VRK2: variants seen among roughly 807,000 people sequenced by gnomAD.
The protein encoded by VRK2 is VRK serine/threonine kinase 2, also known as serine/threonine-protein kinase VRK2.
In VRK2, 60 loss-of-function variants were observed where a neutral mutation model predicts 57.6. That is an observed-to-expected ratio of 1.04 (90% CI 0.85 to 1.29). The LOEUF (loss-of-function observed/expected upper bound fraction) is 1.29. Ranked by LOEUF, VRK2 falls within the 50% of genes most tolerant of loss-of-function variation. The probability of loss-of-function intolerance (pLI) is 0.00; values close to 1 mark genes in which losing one functional copy is unlikely to be tolerated. For missense variants in VRK2, 705 were observed against 588.1 expected (o/e 1.20, Z -2.06); for synonymous variants, 231 against 199.2 (o/e 1.16, Z -1.35).
chr2:57,990,884 CAT>C (rs1181847142), intron 1 of VRK2, among the ~76,000 whole-genome samples: 5 of 142,876 alleles, frequency 3.5e-5, no homozygotes, highest in South Asian at 2.2e-4. Context: ...CACACACACA[CAT>C]GCACACACAC....
intron 12 of VRK2, among the ~76,000 whole-genome samples, chr2:58,158,022 T>C (rs1684238141): frequency 6.6e-6 from 1 of 152,192 alleles, no homozygotes; most frequent in African/African-American, 2.4e-5. Context: ...TGCCTTGCCA[T>C]ATGATGTCAT....
intron 1 of VRK2, among the ~76,000 whole-genome samples, chr2:58,008,590 A>C (rs1463751381): frequency 6.6e-6 from 1 of 152,120 alleles, no homozygotes; most frequent in Non-Finnish European, 1.5e-5. Context: ...CTAAGCATCC[A>C]ATTTATGTAG....
intron 7 of VRK2, among the ~76,000 whole-genome samples, chr2:58,114,516 G>T (rs1676117407): frequency 6.6e-6 from 1 of 152,188 alleles, no homozygotes; most frequent in African/African-American, 2.4e-5. Flanking sequence ...AGCTTAAATG[G>T]GCTGTACCTT....
At chr2:58,144,481 A>C (rs1008844465) in intron 11 of VRK2, among the ~76,000 whole-genome samples, 38 of 152,042 alleles carry the variant, frequency 2.5e-4, no homozygotes, top group African/African-American at 8.9e-4. Flanking sequence ...CATGTATCAA[A>C]ACATCACATT....
chr2:58,108,377 T>G (rs1193445890), intron 7 of VRK2, among the ~76,000 whole-genome samples: 1 of 152,182 alleles, frequency 6.6e-6, no homozygotes, highest in Non-Finnish European at 1.5e-5. Context: ...CTCCTTATGA[T>G]GCTGCCAGTG....
rs115987418 is a variant in VRK2, at chr2:57,985,739, C to T, written c.-438-39926C>T. Among the ~76,000 whole-genome samples the T allele has an allele frequency of 6.4e-3, 975 of 152,088 alleles. 15 individuals are homozygous for T. The highest frequency in any genetic ancestry group is 0.022 in the African/African-American group (930 of 41,508). ...GAAGGCAACAAAAAGAAATAAAAGG[C>T]ATCCATATTGGAAAATTCAAAATAA... On this transcript the variant is annotated intron_variant, in intron 1 of 15. Transcript: ENST00000417641.
chr2:58,151,862 T>C (rs1683133959), intron 12 of VRK2, among the ~76,000 whole-genome samples: 1 of 147,692 alleles, frequency 6.8e-6, no homozygotes, highest in Non-Finnish European at 1.5e-5. Context: ...TATTGGAACA[T>C]AGCCATACTC....
At chr2:57,967,444 G>A (rs1298005905) in intron 1 of VRK2, among the ~76,000 whole-genome samples, 1 of 151,830 alleles carries the variant, frequency 6.6e-6, no homozygotes, top group Non-Finnish European at 1.5e-5. Flanking sequence ...AGAAGGTTAA[G>A]CCAACAATTT....
At chr2:58,087,660 C>T (rs945471525) in intron 5 of VRK2, among the ~76,000 whole-genome samples, 19 of 152,098 alleles carry the variant, frequency 1.2e-4, no homozygotes, top group South Asian at 1.2e-3. Flanking sequence ...TGTATAGAGA[C>T]GGTATATATG....
chr2:58,158,104 C>T (rs1446328834), intron 12 of VRK2, among the ~76,000 whole-genome samples: 1 of 152,162 alleles, frequency 6.6e-6, no homozygotes, highest in Non-Finnish European at 1.5e-5. Context: ...AGTAGCTTGA[C>T]TTCTATCCTT....
At chr2:58,086,929 C>T (rs1015809075) in intron 5 of VRK2, among the ~76,000 whole-genome samples, 3 of 152,136 alleles carry the variant, frequency 2.0e-5, no homozygotes, top group African/African-American at 4.8e-5. Context: ...GGGATATTAT[C>T]GCTTCTGCTT....
Position 58,057,314 on chromosome 2 carries a change from T to A in VRK2, c.136+8347T>A, listed in dbSNP as rs1288376463. The stretch of plus-strand genomic sequence containing the variant: ...ACTTTCAGATTTAGATAAATTCTTT[T>A]GTATCTTTTGGGGAGTTTGAAGGGA... On this transcript the variant is annotated intron_variant, in intron 2 of 12. Transcript: ENST00000340157. Among the ~76,000 whole-genome samples, 5 of 152,178 alleles carry A rather than the reference T, an allele frequency of 3.3e-5. No individual in the cohort carries two copies. In the South Asian group the frequency reaches 8.3e-4, roughly 25 times the overall value.
intron 12 of VRK2, among the ~76,000 whole-genome samples, chr2:58,148,465 A>T (rs1682494066): frequency 6.6e-6 from 1 of 151,796 alleles, no homozygotes; most frequent in South Asian, 2.1e-4. Context: ...CATTTAATTC[A>T]TAGTATCTTA....
chr2:57,913,326 T>C (rs1009005972), intron 1 of VRK2, among the ~76,000 whole-genome samples: 4 of 152,206 alleles, frequency 2.6e-5, no homozygotes, highest in African/African-American at 9.6e-5. Context: ...TACGTAAAGG[T>C]TAAATGACTG....
chr2:57,922,307 G>A (rs1445500719), intron 1 of VRK2, among the ~76,000 whole-genome samples: 2 of 151,768 alleles, frequency 1.3e-5, no homozygotes, highest in Non-Finnish European at 2.9e-5. Context: ...CGTCAACATC[G>A]TCATCTTTTT....
rs1572842322 is a variant in VRK2 at position 58,048,452 on chromosome 2, T to C, written c.-5-375T>C. The stretch of plus-strand genomic sequence containing the variant: ...CACTTTTAACATTTTACATTCTCAG[T>C]GACAGCAATATTTCCATGTACATGA... On this transcript the variant is annotated intron_variant, in intron 1 of 12. Coordinates refer to ENST00000340157, the MANE Select transcript of VRK2 (RefSeq NM_006296.7). The C allele has an allele frequency of 3.7e-6, 3 of 803,148 alleles. No individual in the cohort carries two copies. In the East Asian group the frequency reaches 1.9e-4, roughly 51 times the overall value. The allele number at this position is 803,148 out of a possible 1,614,324, so 49.8% of individuals were successfully genotyped here. A position where few individuals can be genotyped will look rare whatever the true frequency, so the allele number is the denominator to read the frequency against.
chr2:58,088,588 G>A (rs201769791), intron 6 of VRK2, 142 bp downstream of exon 6: 20 of 698,886 alleles, frequency 2.9e-5, no homozygotes, highest in Admixed American at 5.8e-5. Flanking sequence ...AGGCTATTTT[G>A]GTGAAATTGA....
At chr2:58,097,859 A>G (rs1412112635) in intron 7 of VRK2, among the ~76,000 whole-genome samples, 2 of 152,102 alleles carry the variant, frequency 1.3e-5, no homozygotes, top group Non-Finnish European at 2.9e-5. Context: ...TATTTATTAT[A>G]CTATTATTAT....
At chr2:58,047,373 G>C in intron 1 of VRK2, 1 of 973,394 alleles carries the variant, frequency 1.0e-6, no homozygotes, top group South Asian at 4.8e-5. Context: ...TTAGCCCTGG[G>C]AAGGTACCCA....
Sources: allele counts gnomAD v4.1 joint callset (sites outside exome capture counted in the v4.1 genomes callset), GRCh38; gene constraint gnomAD v4.1.1; transcripts MANE v1.5; gene names NCBI Gene and HGNC (gene_info 2026-07-23, HGNC 2026-07-21).